The following EIF3B variants were observed in gnomAD, a reference collection of about 807,000 sequenced individuals.
EIF3B encodes the protein eukaryotic translation initiation factor 3 subunit B, also known as eukaryotic translation initiation factor 3 subunit 9.
In EIF3B, 10 loss-of-function variants were observed where a neutral mutation model predicts 104.6. That is an observed-to-expected ratio of 0.10 (90% CI 0.06 to 0.16). The LOEUF is 0.16. EIF3B is among the 10% of genes least tolerant of loss of function. EIF3B has a pLI of 1.00. For missense variants in EIF3B, 1,014 were observed against 1,087.9 expected (o/e 0.93, Z 0.96); for synonymous variants, 542 against 417.2 (o/e 1.30, Z -3.65).
chr7:2,372,183 G>A, intron 11 of EIF3B: 1 of 305,760 alleles, frequency 3.3e-6, no homozygotes. Context: ...TCCAGCCTGG[G>A]TGACGGAGCA....
intron 9 of EIF3B, 84 bp from the exon 10 acceptor site, chr7:2,369,388 A>G (rs1161922562): frequency 2.8e-6 from 4 of 1,425,492 alleles, no homozygotes; most frequent in Non-Finnish European, 2.9e-6. Context: ...TCTATATAGC[A>G]AATGAGTTGT....
intron 10 of EIF3B, 83 bp from the exon 11 acceptor site, chr7:2,371,694 T>C (rs1780348840): frequency 6.4e-6 from 7 of 1,089,366 alleles, no homozygotes; most frequent in Admixed American, 3.5e-5. Context: ...GAATCTTTCA[T>C]TGTGACGTTG....
In EIF3B at chr7:2,378,779, C is replaced by T. The variant is rs200660460; in HGVS notation, c.2232+13C>T. The T allele has an allele frequency of 1.2e-4, 194 of 1,608,122 alleles. 1 individual carries two copies. In the East Asian group the frequency reaches 3.2e-3, roughly 26 times the overall value. The stretch of plus-strand genomic sequence containing the variant: ...CAAAGCCTCAAAGGTGAGCCTCATT[C>T]CCAAAATGAGGGCTGTGCTGTGACA... On this transcript the variant is annotated intron_variant, in intron 16 of 18. Coordinates refer to ENST00000360876, the MANE Select transcript of EIF3B (RefSeq NM_001037283.2).
intron 1 of EIF3B, among the ~76,000 whole-genome samples, chr7:2,356,755 C>T (rs978645669): frequency 2.6e-5 from 4 of 151,876 alleles, no homozygotes; most frequent in African/African-American, 9.7e-5. Context: ...AGCCTAGATC[C>T]CACCACTGCC....
intron 1 of EIF3B, among the ~76,000 whole-genome samples, chr7:2,359,364 A>G (rs1401258110): frequency 1.3e-5 from 2 of 152,056 alleles, no homozygotes; most frequent in African/African-American, 2.4e-5. Context: ...GAGGGCTGAA[A>G]GTTGAGTTGA....
Position 2,355,418 on chromosome 7 carries a change from A to G in EIF3B, c.497A>G (p.Glu166Gly). The change falls in exon 1 of 19, where the codon GAA becomes GGA. Residue 166 changes from glutamate (E) to glycine (G), a missense_variant and splice_region_variant. Glu to Gly is a moderately conservative substitution (Grantham distance 98, BLOSUM62 -2). This residue lies in a region of EIF3B where 488 missense variants were observed against 404.3 expected (regional missense o/e 1.21). Coordinates refer to ENST00000360876, the MANE Select transcript of EIF3B (RefSeq NM_001037283.2). ...GACTTCGTGGACGACGTGAGCGAGG[A>G]AGGTGAGGGCGCCCGGGGCGGGGCT... ...PEDFVDDVSE[E>G]ELLGDVLKDR... 6.9e-7 allele frequency: 1 copy of G among 1,450,116 alleles called. No homozygotes were observed. The highest frequency in any genetic ancestry group is 9.1e-7 in the Non-Finnish European group (1 of 1,100,588). The allele number at this position is 1,450,116 out of a possible 1,614,324, so 89.8% of individuals were successfully genotyped here.
intron 2 of EIF3B, among the ~76,000 whole-genome samples, 168 bp downstream of exon 2, chr7:2,361,070 G>T (rs1178103321): frequency 6.6e-6 from 1 of 152,204 alleles, no homozygotes; most frequent in Non-Finnish European, 1.5e-5. Context: ...TGAATGAGAA[G>T]ATGATAAAGT....
chr7:2,376,882 A>C (rs1780659187), intron 14 of EIF3B, 68 bp from the exon 15 acceptor site: 1 of 1,563,666 alleles, frequency 6.4e-7, no homozygotes, highest in Non-Finnish European at 8.7e-7. Flanking sequence ...CTTGTTCAGC[A>C]AGTGACATAG....
chr7:2,354,627 A>G (rs1251627857), upstream of EIF3B, among the ~76,000 whole-genome samples: 1 of 152,216 alleles, frequency 6.6e-6, no homozygotes, highest in African/African-American at 2.4e-5. Context: ...GGGGTGGTCA[A>G]TGCTCCCATG....
chr7:2,370,466 C>A (rs1780269537), intron 10 of EIF3B, among the ~76,000 whole-genome samples: 1 of 151,946 alleles, frequency 6.6e-6, no homozygotes, highest in African/African-American at 2.4e-5. Flanking sequence ...GGCGACAGAG[C>A]CAGACTGCGT....
At chr7:2,362,522 C>A in intron 2 of EIF3B, 123 bp from the exon 3 acceptor site, 2 of 1,249,402 alleles carry the variant, frequency 1.6e-6, no homozygotes, top group Non-Finnish European at 2.2e-6. Flanking sequence ...AGGCTCGAGG[C>A]AGGAAGAGCA....
At chr7:2,354,798 C>CGGG, upstream of EIF3B, 1 of 968,320 alleles carries the variant, frequency 1.0e-6, no homozygotes, top group Non-Finnish European at 1.2e-6. Flanking sequence ...CGCCCCGCGG[C>CGGG]CTTGGTGCGG....
chr7:2,379,499 C>G lies in EIF3B; in HGVS notation c.*2C>G. On this transcript the variant is annotated 3_prime_UTR_variant, in exon 18 of 19. Transcript: ENST00000360876. ...ATTCCCCTCGGGAATCAGGAGTGAC[C>G]TGGAGCACTGTGGTGAGCGTCTGCA... The G allele has an allele frequency of 6.4e-7, 1 of 1,564,892 alleles. No individual in the cohort carries two copies. Among genetic ancestry groups the G allele is most frequent in the Non-Finnish European group, 8.7e-7 (1 of 1,153,498 alleles).
At chr7:2,372,838 AGAT>A (rs776708155) in intron 12 of EIF3B, 43 bp downstream of exon 12, 16 of 1,597,190 alleles carry the variant, frequency 1.0e-5, no homozygotes, top group Non-Finnish European at 1.3e-5. Context: ...AGGTCAGCAC[AGAT>A]GATGACCCAG....
intron 6 of EIF3B, 21 bp from the exon 7 acceptor site, chr7:2,366,296 A>G (rs2115305576): frequency 8.9e-6 from 14 of 1,581,268 alleles, no homozygotes; most frequent in East Asian, 4.5e-5. Context: ...GATAGTGTAC[A>G]GTGTTGCCCT....
upstream of EIF3B, chr7:2,354,798 C>G: frequency 1.0e-6 from 1 of 968,322 alleles, no homozygotes; most frequent in Non-Finnish European, 1.2e-6. Context: ...CGCCCCGCGG[C>G]CTTGGTGCGG....
Position 2,378,957 on chromosome 7 carries a change from G to C in EIF3B, c.2233-177G>C, listed in dbSNP as rs1249938985. ...GGGACTTGGAGTTGGTGACCTCACT[G>C]CTGCCTTGTGGGTGGGGGGCAGCGT... On this transcript the variant is annotated intron_variant, in intron 16 of 18. Coordinates refer to ENST00000360876, the MANE Select transcript of EIF3B (RefSeq NM_001037283.2). 5.4e-6 allele frequency: 4 copies of C among 741,332 alleles called. No individual in the cohort carries two copies. In the African/African-American group the frequency reaches 7.0e-5, roughly 13 times the overall value. 45.9% of individuals were successfully genotyped at this position (741,332 alleles called of 1,614,324 possible). A position where few individuals can be genotyped will look rare whatever the true frequency, so the allele number is the denominator to read the frequency against.
chr7:2,370,037 A>G (rs193174966), intron 10 of EIF3B, among the ~76,000 whole-genome samples: 6 of 152,238 alleles, frequency 3.9e-5, no homozygotes, highest in Admixed American at 2.0e-4. Flanking sequence ...TTGGCCACCC[A>G]AAGGGCTGGG....
chr7:2,378,608 G>T, intron 15 of EIF3B, 81 bp from the exon 16 acceptor site: 2 of 1,287,200 alleles, frequency 1.6e-6, no homozygotes, highest in South Asian at 2.5e-5. Context: ...TGGGTGTCAT[G>T]TCATGTTGGC....
Sources: allele counts gnomAD v4.1 joint callset (sites outside exome capture counted in the v4.1 genomes callset), GRCh38; gene constraint gnomAD v4.1.1; regional missense constraint gnomAD v4.1.1; transcripts MANE v1.5; gene names NCBI Gene and HGNC (gene_info 2026-07-23, HGNC 2026-07-21).